Variants in DOK7 observed in about 807,000 individuals in gnomAD.
The protein encoded by DOK7 is docking protein 7.
DOK7 carries 32 observed loss-of-function variants against 30.7 expected under a neutral mutation model. The observed-to-expected ratio is 1.04, with a 90% CI of 0.79 to 1.40. DOK7 has a LOEUF of 1.40. Ranked by LOEUF, DOK7 falls within the 40% of genes most tolerant of loss-of-function variation. The pLI, the probability that DOK7 is intolerant of heterozygous loss-of-function variation, is 0.00. For missense variants in DOK7, 1,007 were observed against 699.2 expected (o/e 1.44, Z -4.97); for synonymous variants, 447 against 324.1 (o/e 1.38, Z -4.07).
intron 5 of DOK7, 96 bp downstream of exon 5, chr4:3,485,754 A>T: frequency 2.2e-6 from 3 of 1,349,042 alleles, no homozygotes; most frequent in Admixed American, 7.0e-5. Flanking sequence ...AGCCCCAGTT[A>T]GATGGCCAGC....
At position 3,489,803 on chromosome 4, in the gene DOK7, C is replaced by T; in HGVS notation, c.772+7C>T. 2 of 1,569,940 alleles carry T rather than the reference C, an allele frequency of 1.3e-6. No homozygotes were observed. Among genetic ancestry groups the T allele is most frequent in the South Asian group, 1.2e-5 (1 of 85,486 alleles). On this transcript the variant is annotated splice_region_variant and intron_variant, in intron 6 of 6. Transcript: ENST00000340083. Reference sequence around the variant, plus strand: ...GGCAGGCCGGGCAGTGGAGGTAGGGCCGGGGGCTGACCTGGGCTGTGGGAC... The same window carrying T: ...GGCAGGCCGGGCAGTGGAGGTAGGGTCGGGGGCTGACCTGGGCTGTGGGAC...
At position 3,473,535 on chromosome 4, in the gene DOK7, C is replaced by A. The variant is rs940346413; in HGVS notation, c.230C>A (p.Thr77Lys). 2 of 1,610,944 alleles carry A rather than the reference C, an allele frequency of 1.2e-6. No homozygotes were observed. The highest frequency in any genetic ancestry group is 8.5e-7 in the Non-Finnish European group (1 of 1,179,676). The change falls in exon 3 of 7, where the codon ACG (threonine) becomes AAG (lysine). Residue 77 changes from threonine (T) to lysine (K), a missense_variant. By Grantham distance (78) the Thr-to-Lys change is moderately conservative. Coordinates refer to ENST00000340083, the MANE Select transcript of DOK7 (RefSeq NM_173660.5). ...PGLPYEGLVHTLAIVCLSQAI... is the reference protein window; with the variant it reads ...PGLPYEGLVHKLAIVCLSQAI... ...CTGCCCTACGAGGGCCTGGTCCACA[C>A]GCTGGCCATTGTCTGCCTGTCCCAG...
chr4:3,483,439 G>A (rs1475855787), intron 4 of DOK7, among the ~76,000 whole-genome samples: 1 of 152,164 alleles, frequency 6.6e-6, no homozygotes, highest in African/African-American at 2.4e-5. Flanking sequence ...GACCAGCATT[G>A]GAGATGGGCA....
intron 3 of DOK7, among the ~76,000 whole-genome samples, chr4:3,475,060 C>A (rs893174737): frequency 2.6e-5 from 4 of 152,212 alleles, no homozygotes; most frequent in Non-Finnish European, 5.9e-5. Context: ...CAGTCTTGTC[C>A]CCAAGGCAGC....
chr4:3,500,323 ACATCCCCGTCAGCC>A lies in DOK7; in HGVS notation c.1187_1200del (p.Pro396LeufsTer135). 1 of 1,535,890 alleles carries A rather than the reference ACATCCCCGTCAGCC, an allele frequency of 6.5e-7. No individual in the cohort carries two copies. Among genetic ancestry groups the A allele is most frequent in the Non-Finnish European group, 8.7e-7 (1 of 1,146,774 alleles). ...CGCGGCGAGTCGCCCACTTACGTGAACATCCCCGTCAGCCCATCCTCCAGAAAGCAGCTGCACTA... is the reference window on the plus strand; with the variant it reads ...CGCGGCGAGTCGCCCACTTACGTGAACATCCTCCAGAAAGCAGCTGCACTA... On this transcript the variant is annotated frameshift_variant, in exon 7 of 8. Coordinates refer to the DOK7 transcript ENST00000643608. LOFTEE classifies it high-confidence loss of function.
At chr4:3,468,812 G>A (rs62644696) in intron 2 of DOK7, among the ~76,000 whole-genome samples, 27,085 of 147,604 alleles carry the variant, frequency 0.18, 2,926 homozygotes, top group African/African-American at 0.31. Context: ...GTGTGCCTGT[G>A]TGTGTATGCA....
chr4:3,489,592 C>A (rs927902795), intron 5 of DOK7, 85 bp from the exon 6 acceptor site: 3 of 1,546,892 alleles, frequency 1.9e-6, no homozygotes, highest in Non-Finnish European at 2.6e-6. Context: ...GGGGGATAAC[C>A]ACTGAGTCAG....
chr4:3,463,472 G>A lies in DOK7; in HGVS notation c.55-34G>A, dbSNP rs1459788364. 5.6e-6 allele frequency: 8 copies of A among 1,431,924 alleles called. No individual in the cohort carries two copies. In the Admixed American group the frequency reaches 2.0e-4, roughly 35 times the overall value. 88.7% of individuals were successfully genotyped at this position (1,431,924 alleles called of 1,614,324 possible). On this transcript the variant is annotated intron_variant, in intron 1 of 6. Transcript: ENST00000340083. ...GCGCGGGGGGGGGGGGCGCGGGCGC[G>A]GGCGGCGGCTCACGCTCCCCCCTGT...
rs575986565 is a variant in DOK7, at chr4:3,473,562, C to T, written c.257C>T (p.Ala86Val). Reference sequence around the variant, plus strand: ...CTGGCCATTGTCTGCCTGTCCCAGGCCATCATGCTGGGCTTTGACAGCCAC... The same window carrying T: ...CTGGCCATTGTCTGCCTGTCCCAGGTCATCATGCTGGGCTTTGACAGCCAC... The part of the protein sequence containing the change: ...HTLAIVCLSQ[A>V]IMLGFDSHEA... Residue 86 changes from alanine to valine, a missense_variant, in exon 3 of 7, where the codon GCC becomes GTC. Physicochemically the swap from Ala to Val is moderately conservative, Grantham distance 64 (BLOSUM62 0). Coordinates refer to ENST00000340083, the MANE Select transcript of DOK7 (RefSeq NM_173660.5). 24 of 1,610,582 alleles carry T rather than the reference C, an allele frequency of 1.5e-5. No homozygotes were observed. The East Asian group carries it at 5.4e-4, about 36-fold the overall frequency.
intron 4 of DOK7, among the ~76,000 whole-genome samples, chr4:3,480,814 C>T (rs912998069): frequency 6.6e-6 from 1 of 151,964 alleles, no homozygotes; most frequent in Non-Finnish European, 1.5e-5. Context: ...GGGCGCTGGG[C>T]CTAGGGATCA....
downstream of DOK7, among the ~76,000 whole-genome samples, chr4:3,497,211 A>T (rs974975925): frequency 6.6e-5 from 10 of 151,034 alleles, no homozygotes; most frequent in African/African-American, 1.2e-4. Flanking sequence ...CCAAGCCCTG[A>T]GTGTGGACCT....
chr4:3,474,556 T>A (rs1273964273), intron 3 of DOK7, among the ~76,000 whole-genome samples: 1 of 152,132 alleles, frequency 6.6e-6, no homozygotes, highest in Non-Finnish European at 1.5e-5. Context: ...GTGCAGTGGC[T>A]CATGCCTGTA....
intron 5 of DOK7, among the ~76,000 whole-genome samples, chr4:3,486,808 G>C (rs1350489022): frequency 6.6e-6 from 1 of 152,166 alleles, no homozygotes; most frequent in Non-Finnish European, 1.5e-5. Context: ...TGTGGTCGGT[G>C]TGTTTGGCTG....
rs182633643 is a variant in DOK7, at chr4:3,474,974, T to C, written c.331+1338T>C. ...GCATGGACTCTGCATAACTTTACTTTTTAAAATATTGATTAAAATATCCTG... is the reference window on the plus strand; with the variant it reads ...GCATGGACTCTGCATAACTTTACTTCTTAAAATATTGATTAAAATATCCTG... On this transcript the variant is annotated intron_variant, in intron 3 of 6. Coordinates refer to ENST00000340083, the MANE Select transcript of DOK7 (RefSeq NM_173660.5). 4.7e-4 allele frequency among the ~76,000 whole-genome samples: 71 copies of C among 152,294 alleles called. 2 individuals carry two copies. The East Asian group carries it at 9.4e-3, about 20-fold the overall frequency.
At chr4:3,467,046 C>T (rs925491249) in intron 2 of DOK7, among the ~76,000 whole-genome samples, 8 of 152,296 alleles carry the variant, frequency 5.3e-5, no homozygotes, top group African/African-American at 9.6e-5. Flanking sequence ...GGGGCGGCTC[C>T]AGGCTGCTGC....
intron 6 of DOK7, among the ~76,000 whole-genome samples, chr4:3,491,694 T>G (rs956111422): frequency 2.6e-5 from 4 of 152,198 alleles, no homozygotes; most frequent in Admixed American, 6.5e-5. Flanking sequence ...AGGCCCTGCA[T>G]GTTGGTTTTA....
intron 4 of DOK7, among the ~76,000 whole-genome samples, chr4:3,478,310 TG>T (rs1321984928): frequency 6.6e-6 from 1 of 152,224 alleles, no homozygotes; most frequent in Non-Finnish European, 1.5e-5. Context: ...TGCCGAGGTG[TG>T]GGTGGCCCCT....
At position 3,494,315 on chromosome 4, in the gene DOK7, T is replaced by G. The variant is rs1431029687; in HGVS notation, c.*814T>G. On this transcript the variant is annotated 3_prime_UTR_variant, in exon 7 of 7. Transcript: ENST00000340083. The stretch of plus-strand genomic sequence containing the variant: ...CCCTGCGTCGGAGGTGGGGCTGTGT[T>G]GGGCCCATTGTCCCCCGCCCTGGGT... 5.1e-6 allele frequency: 5 copies of G among 985,664 alleles called. No homozygotes were observed. The highest frequency in any genetic ancestry group is 6.0e-6 in the Non-Finnish European group (5 of 830,210). 61.1% of individuals were successfully genotyped at this position (985,664 alleles called of 1,614,324 possible). A position where few individuals can be genotyped will look rare whatever the true frequency, so the allele number is the denominator to read the frequency against.
intron 5 of DOK7, 40 bp from the exon 6 acceptor site, chr4:3,489,627 GGGTGGGCGGT>G: frequency 1.9e-6 from 3 of 1,555,776 alleles, no homozygotes; most frequent in African/African-American, 1.4e-5. Context: ...CTGCGGGCGA[GGGTGGGCGGT>G]GGTGGCCACC....
Sources: gnomAD v4.1 joint callset for allele counts (sites outside exome capture counted in the v4.1 genomes callset) on GRCh38, gnomAD v4.1.1 for gene constraint, MANE v1.5 for transcripts, NCBI Gene and HGNC (gene_info 2026-07-23, HGNC 2026-07-21) for gene names.